The following BAZ2B variants were observed in gnomAD, a reference collection of about 807,000 sequenced individuals.
BAZ2B encodes the protein bromodomain adjacent to zinc finger domain protein 2B.
Under a neutral mutation model 246.0 loss-of-function variants are expected in BAZ2B, and 91 were observed. The observed-to-expected ratio is 0.37, with a 90% CI of 0.31 to 0.44. The LOEUF is 0.44. Among genes scored for constraint, BAZ2B ranks in the 20% least tolerant of loss-of-function variants. The pLI is 1.00. For missense variants in BAZ2B, 2,332 were observed against 2,533.7 expected, an observed-to-expected ratio of 0.92 and a Z score of 1.71; for synonymous variants, 855 against 860.0, an observed-to-expected ratio of 0.99 and a Z score of 0.10.
At chr2:159,394,337 G>A (rs1559242491) in intron 20 of BAZ2B, among the ~76,000 whole-genome samples, 1 of 152,084 alleles carries the variant, frequency 6.6e-6, no homozygotes. Context: ...CGAATAGAGA[G>A]CAGCCATGCC....
At chr2:159,405,222 T>A (rs920435012) in intron 14 of BAZ2B, 108 bp from the exon 15 acceptor site, 91 of 1,003,466 alleles carry the variant, frequency 9.1e-5, no homozygotes, top group South Asian at 2.6e-4. Context: ...ATTATTACTT[T>A]TTTTTTTGAG....
At chr2:159,395,893 C>A in intron 19 of BAZ2B, 59 bp from the exon 20 acceptor site, 1 of 1,466,038 alleles carries the variant, frequency 6.8e-7, no homozygotes, top group Non-Finnish European at 9.3e-7. Context: ...TTTGATTTTC[C>A]AATGAAAAAA....
chr2:159,712,053 A>C, the BAZ2B span: 1 of 148,710 alleles, frequency 6.7e-6, no homozygotes, highest in Non-Finnish European at 1.5e-5. Context: ...GCTTGATTCA[A>C]TTCAACATTC....
chr2:159,581,985 G>A (rs2151637660), intron 1 of BAZ2B, among the ~76,000 whole-genome samples: 1 of 152,132 alleles, frequency 6.6e-6, no homozygotes, highest in East Asian at 1.9e-4. Context: ...AAGTTAATGG[G>A]TGCAGCACAC....
chr2:159,448,663 T>C (rs1036208835), intron 4 of BAZ2B, among the ~76,000 whole-genome samples: 1 of 152,186 alleles, frequency 6.6e-6, no homozygotes, highest in African/African-American at 2.4e-5. Context: ...AGGACAAAGG[T>C]AGTCCATAGT....
intron 3 of BAZ2B, among the ~76,000 whole-genome samples, chr2:159,457,038 A>T (rs1337731728): frequency 2.6e-5 from 4 of 152,182 alleles, no homozygotes; most frequent in Non-Finnish European, 4.4e-5. Context: ...TATATATATA[A>T]TTTTAATACT....
chr2:159,493,406 G>C (rs537786991), intron 2 of BAZ2B, among the ~76,000 whole-genome samples: 1 of 152,258 alleles, frequency 6.6e-6, no homozygotes, highest in East Asian at 1.9e-4. Flanking sequence ...TAGTGAGGAA[G>C]CCTGTTTCAT....
downstream of BAZ2B, among the ~76,000 whole-genome samples, chr2:159,317,863 G>A (rs552577851): frequency 7.2e-5 from 11 of 152,146 alleles, no homozygotes; most frequent in African/African-American, 2.6e-4. Flanking sequence ...AGTGATCCAC[G>A]TATGTATAGT....
Position 159,349,935 on chromosome 2 carries a change from C to A in BAZ2B, c.4636G>T (p.Asp1546Tyr). The change falls in exon 28 of 37, where the codon GAC becomes TAC. Residue 1546 changes from aspartate to tyrosine, a missense_variant. Coordinates refer to ENST00000392783, the MANE Select transcript of BAZ2B (RefSeq NM_013450.4). ...PGKFYSPLPN[D>Y]QLLKTLTEKN... The stretch of plus-strand genomic sequence containing the variant: ...TCAGTCAGCGTTTTTAGTAACTGGT[C>A]ATTGGGGAGAGGACTGTAGAACTTC... 1 of 1,614,122 alleles carries A rather than the reference C, an allele frequency of 6.2e-7. No homozygotes were observed. Among genetic ancestry groups the A allele is most frequent in the South Asian group, 1.1e-5 (1 of 91,068 alleles).
chr2:159,644,378 T>C, the BAZ2B span, among the ~76,000 whole-genome samples: 12 of 152,316 alleles, frequency 7.9e-5, no homozygotes, highest in African/African-American at 2.6e-4. Flanking sequence ...TGGCTTGATA[T>C]CCCACCTTCC....
the BAZ2B span, among the ~76,000 whole-genome samples, chr2:159,676,571 T>A: frequency 1.3e-5 from 2 of 151,000 alleles, no homozygotes; most frequent in Non-Finnish European, 2.9e-5. Context: ...TCCCAGCTAC[T>A]TGGGAGGCTG....
chr2:159,636,598 C>T, the BAZ2B span, among the ~76,000 whole-genome samples: 274 of 152,286 alleles, frequency 1.8e-3, no homozygotes, highest in African/African-American at 6.2e-3. Context: ...CCCAGGTAAA[C>T]TTGAAAGACA....
Position 159,325,824 on chromosome 2 carries a change from T to A in BAZ2B, c.6038A>T (p.Asp2013Val). The change falls in exon 35 of 37, where the codon GAT becomes GTT. Residue 2013 changes from aspartate to valine, a missense_variant. By Grantham distance (152) the Asp-to-Val change is radical. This residue lies in a region of BAZ2B where 210 missense variants were observed against 232.5 expected (regional missense o/e 0.90). Coordinates refer to ENST00000392783, the MANE Select transcript of BAZ2B (RefSeq NM_013450.4). Reference protein sequence around the residue: ...KKGKKVTLTGDTEDEDSASTS... With the variant: ...KKGKKVTLTGVTEDEDSASTS... ...AGATGCAGAGTCTTCATCTTCAGTA[T>A]CTCCTGTTAAAGTTACCTTCTTGCC... 6.2e-7 allele frequency: 1 copy of A among 1,610,302 alleles called. No individual in the cohort carries two copies. Among genetic ancestry groups the A allele is most frequent in the African/African-American group, 1.3e-5 (1 of 74,784 alleles).
intron 2 of BAZ2B, among the ~76,000 whole-genome samples, chr2:159,523,194 G>A (rs1329849789): frequency 6.6e-6 from 1 of 152,116 alleles, no homozygotes; most frequent in Non-Finnish European, 1.5e-5. Flanking sequence ...CTTGAGGCCA[G>A]GAGTTCTAGG....
the BAZ2B span, among the ~76,000 whole-genome samples, chr2:159,669,106 G>A: frequency 6.6e-6 from 1 of 151,932 alleles, no homozygotes; most frequent in Non-Finnish European, 1.5e-5. Flanking sequence ...ATGTCACCCT[G>A]TAAGCACTGC....
At position 159,347,869 on chromosome 2, in the gene BAZ2B, C is replaced by G. The variant is rs542917911; in HGVS notation, c.5294-223G>C. On this transcript the variant is annotated intron_variant, in intron 30 of 36. Transcript: ENST00000392783. ...TGTAAAAAATTACAAGACAGTAACA[C>G]CAACTTAAAAAATATAAATAGTTTG... Among the ~76,000 whole-genome samples, 4 of 152,100 alleles carry G rather than the reference C, an allele frequency of 2.6e-5. No individual in the cohort carries two copies. In the East Asian group the frequency reaches 7.7e-4, roughly 29 times the overall value.
At chr2:159,533,632 A>G (rs892327536) in intron 2 of BAZ2B, among the ~76,000 whole-genome samples, 2 of 152,214 alleles carry the variant, frequency 1.3e-5, no homozygotes, top group Non-Finnish European at 2.9e-5. Context: ...TTTATAAACA[A>G]AAAAGAAGAA....
At chr2:159,705,975 T>C in the BAZ2B span, among the ~76,000 whole-genome samples, 3,150 of 145,762 alleles carry the variant, frequency 0.022, 43 homozygotes, top group African/African-American at 0.033. Context: ...GAAAAGGTAC[T>C]ATAGAATGAA....
chr2:159,533,626 T>C (rs1205267468), intron 2 of BAZ2B, among the ~76,000 whole-genome samples: 1 of 152,136 alleles, frequency 6.6e-6, no homozygotes, highest in African/African-American at 2.4e-5. Flanking sequence ...AAGTACTTTA[T>C]AAACAAAAAA....
Sources: gnomAD v4.1 joint callset for allele counts (sites outside exome capture counted in the v4.1 genomes callset) on GRCh38, gnomAD v4.1.1 for gene constraint, gnomAD v4.1.1 regional missense constraint, MANE v1.5 for transcripts, NCBI Gene and HGNC (gene_info 2026-07-23, HGNC 2026-07-21) for gene names.